Variants in BRCA2 observed in about 807,000 individuals in gnomAD.
BRCA2 encodes breast cancer type 2 susceptibility protein.
BRCA2 carries 203 observed loss-of-function variants against 276.7 expected under a neutral mutation model. The observed-to-expected ratio is 0.73, with a 90% CI of 0.65 to 0.82. BRCA2 has a LOEUF of 0.82. Ranked by LOEUF, BRCA2 falls within the 40% of genes least tolerant of loss-of-function variation. The pLI is 0.00. For missense variants in BRCA2, 3,920 were observed against 3,915.0 expected, an observed-to-expected ratio of 1.00 and a Z score of -0.03; for synonymous variants, 1,289 against 1,338.4, an observed-to-expected ratio of 0.96 and a Z score of 0.81.
At chr13:32,359,222 GA>G (rs67041705) in intron 16 of BRCA2, among the ~76,000 whole-genome samples, 40,248 of 107,444 alleles carry the variant, frequency 0.37, 5,419 homozygotes, top group Middle Eastern at 0.52. Flanking sequence ...TCCATCTCAA[GA>G]AAAAAAAAAA....
chr13:32,336,344 T>C lies in BRCA2; in HGVS notation c.1989T>C (p.Phe663=). 6.2e-7 allele frequency: 1 copy of C among 1,607,148 alleles called. No individual in the cohort carries two copies. Among genetic ancestry groups the C allele is most frequent in the Non-Finnish European group, 8.5e-7 (1 of 1,176,894 alleles). The part of the protein sequence containing the change: ...EEPTLSLTSS[F]GTILRKCSRN... Reference sequence around the variant, plus strand: ...CAACTTTGTCCTTAACTAGCTCTTTTGGGACAATTCTGAGGAAATGTTCTA... The same window carrying C: ...CAACTTTGTCCTTAACTAGCTCTTTCGGGACAATTCTGAGGAAATGTTCTA... The change falls in exon 11 of 27, where the codon TTT becomes TTC. Residue 663 remains phenylalanine, a synonymous_variant. Coordinates refer to ENST00000380152, the MANE Select transcript of BRCA2 (RefSeq NM_000059.4).
rs1336315580 is a variant in BRCA2 at position 32,399,814 on chromosome 13, T to A, written c.*1044T>A. ...TTTTTTTTTTTTTGGAGATGGAGTC[T>A]TGCTTTGTCGCCCATGCTGGAGTGC... is the stretch of plus-strand genomic sequence containing the variant. On this transcript the variant is annotated 3_prime_UTR_variant, in exon 27 of 27. Coordinates refer to ENST00000380152, the MANE Select transcript of BRCA2 (RefSeq NM_000059.4). The A allele has an allele frequency of 6.6e-6, 1 of 152,524 alleles. No homozygotes were observed. The highest frequency in any genetic ancestry group is 1.5e-5 in the Non-Finnish European group (1 of 68,700). 9.4% of individuals were successfully genotyped at this position (152,524 alleles called of 1,614,324 possible).
At chr13:32,350,652 C>G (rs1299699836) in intron 13 of BRCA2, among the ~76,000 whole-genome samples, 2 of 152,054 alleles carry the variant, frequency 1.3e-5, no homozygotes, top group East Asian at 3.9e-4. Flanking sequence ...ACTTGGGAGG[C>G]TGAGGCAGGA....
rs774027004 is a variant in BRCA2 at position 32,363,498 on chromosome 13, A to T, written c.8296A>T (p.Thr2766Ser). ...ACTGGTGGGCTCTCCTGATGCCTGT[A>T]CACCTCTTGAAGCCCCAGAATCTCT... ...AELVGSPDAC[T>S]PLEAPESLML... Residue 2766 changes from threonine to serine, a missense_variant, in exon 18 of 27, where the codon ACA (threonine) becomes TCA (serine). Around this residue, in one of 2 missense-constraint regions of BRCA2, gnomAD observed 3,263 missense variants for 3,156.9 expected, o/e 1.03. Transcript: ENST00000380152. 2 of 1,614,076 alleles carry T rather than the reference A, an allele frequency of 1.2e-6. No individual in the cohort carries two copies. Among genetic ancestry groups the T allele is most frequent in the Admixed American group, 1.7e-5 (1 of 60,016 alleles).
chr13:32,336,198 G>C (rs2137481335), intron 10 of BRCA2, 67 bp from the exon 11 acceptor site: 6 of 1,509,582 alleles, frequency 4.0e-6, no homozygotes, highest in Non-Finnish European at 5.4e-6. Context: ...TTTTAACTTA[G>C]TGAAAAATAT....
chr13:32,344,856 T>C, intron 12 of BRCA2, among the ~76,000 whole-genome samples: 1 of 152,272 alleles, frequency 6.6e-6, no homozygotes. Context: ...TCTATTGATA[T>C]TTACCATATT....
At chr13:32,395,434 G>T (rs1305021110) in intron 25 of BRCA2, among the ~76,000 whole-genome samples, 1 of 152,082 alleles carries the variant, frequency 6.6e-6, no homozygotes, top group Admixed American at 6.5e-5. Context: ...ATATTAGCTG[G>T]TGTTTATTGA....
intron 20 of BRCA2, among the ~76,000 whole-genome samples, chr13:32,373,807 G>A (rs749857139): frequency 2.6e-5 from 4 of 152,240 alleles, no homozygotes. Flanking sequence ...ACTGAGGACT[G>A]TGGGAGGTGG....
At chr13:32,316,659 GT>G in intron 2 of BRCA2, 132 bp downstream of exon 2, 1 of 784,196 alleles carries the variant, frequency 1.3e-6, no homozygotes, top group Admixed American at 2.3e-5. Flanking sequence ...TATAAATCCA[GT>G]TAACAACATA....
chr13:32,341,106 C>T lies in BRCA2; in HGVS notation c.6751C>T (p.His2251Tyr), dbSNP rs1260385979. Residue 2251 changes from histidine to tyrosine, a missense_variant, in exon 11 of 27, where the codon CAT becomes TAT. His to Tyr is a moderately conservative substitution (Grantham distance 83). This residue lies in a region of BRCA2 where 3,263 missense variants were observed against 3,156.9 expected (regional missense o/e 1.03). Coordinates refer to ENST00000380152, the MANE Select transcript of BRCA2 (RefSeq NM_000059.4). ...TTCTAAACTGCCAAGTCATGCCACA[C>T]ATTCTCTTTTTACATGTCCCGAAAA... ...TDSKLPSHAT[H>Y]SLFTCPENEE... 3.1e-6 allele frequency: 5 copies of T among 1,613,838 alleles called. No homozygotes were observed. Among genetic ancestry groups the T allele is most frequent in the Non-Finnish European group, 4.2e-6 (5 of 1,179,922 alleles).
chr13:32,341,203 G>A lies in BRCA2; in HGVS notation c.6841+7G>A, dbSNP rs2072566819. On this transcript the variant is annotated splice_region_variant and intron_variant, in intron 11 of 26. Transcript: ENST00000380152. ...GAGCCCCTTATCTTAGTGGGTAAGTGTTCATTTTTACCTTTCGTGTTGCCA... is the reference window on the plus strand; with the variant it reads ...GAGCCCCTTATCTTAGTGGGTAAGTATTCATTTTTACCTTTCGTGTTGCCA... 6.2e-7 allele frequency: 1 copy of A among 1,613,788 alleles called. No homozygotes were observed. The highest frequency in any genetic ancestry group is 8.5e-7 in the Non-Finnish European group (1 of 1,179,888).
At chr13:32,335,181 GA>G (rs942530450) in intron 10 of BRCA2, among the ~76,000 whole-genome samples, 2 of 151,162 alleles carry the variant, frequency 1.3e-5, no homozygotes, top group Non-Finnish European at 3.0e-5. Flanking sequence ...CCATCTCTAT[GA>G]AAAAAAACAA....
Position 32,397,002 on chromosome 13 carries a change from G to C in BRCA2, c.9606G>C (p.Pro3202=), listed in dbSNP as rs755890067. 1.9e-5 allele frequency: 31 copies of C among 1,613,886 alleles called. No individual in the cohort carries two copies. Among genetic ancestry groups the C allele is most frequent in the Non-Finnish European group, 2.4e-5 (28 of 1,179,938 alleles). The change falls in exon 26 of 27, where the codon CCG becomes CCC. Residue 3202 remains proline (P), a synonymous_variant. Transcript: ENST00000380152. ...CAACTAAAGACTGTACTTCAGGGCC[G>C]TACACTGCTCAAATCATTCCTGGTA... ...STPTKDCTSG[P]YTAQIIPGTG...
chr13:32,357,812 A>G lies in BRCA2; in HGVS notation c.7688A>G (p.His2563Arg). The G allele has an allele frequency of 1.2e-6, 2 of 1,613,966 alleles. No homozygotes were observed. Among genetic ancestry groups the G allele is most frequent in the Non-Finnish European group, 1.7e-6 (2 of 1,179,860 alleles). ...AAAAATGCAGAGTCTTTTCAGTTTC[A>G]CACTGAAGATTATTTTGGTAAGGAA... The part of the protein sequence containing the change: ...NSKNAESFQF[H>R]TEDYFGKESL... Residue 2563 changes from histidine (H) to arginine (R), a missense_variant, in exon 16 of 27, where the codon CAC (histidine) becomes CGC (arginine). His to Arg is a conservative substitution (Grantham distance 29). Coordinates refer to ENST00000380152, the MANE Select transcript of BRCA2 (RefSeq NM_000059.4).
At position 32,340,016 on chromosome 13, in the gene BRCA2, G is replaced by A. The variant is rs80359793; in HGVS notation, c.5661G>A (p.Thr1887=). ...NNENKSKICQ[T]KIMAGCYEAL... is the part of the protein sequence containing the mutation. Reference sequence around the variant, plus strand: ...AGAATAAATCAAAAATTTGCCAAACGAAAATTATGGCAGGTTGTTACGAGG... The same window carrying A: ...AGAATAAATCAAAAATTTGCCAAACAAAAATTATGGCAGGTTGTTACGAGG... The change falls in exon 11 of 27, where the codon ACG becomes ACA. Residue 1887 remains threonine (T), a synonymous_variant. Coordinates refer to ENST00000380152, the MANE Select transcript of BRCA2 (RefSeq NM_000059.4). 2 of 1,612,732 alleles carry A rather than the reference G, an allele frequency of 1.2e-6. No individual in the cohort carries two copies. The highest frequency in any genetic ancestry group is 1.1e-5 in the South Asian group (1 of 90,608).
At chr13:32,384,177 A>G (rs564115584) in intron 24 of BRCA2, among the ~76,000 whole-genome samples, 6 of 152,348 alleles carry the variant, frequency 3.9e-5, no homozygotes, top group Admixed American at 1.3e-4. Flanking sequence ...AGGAGCAGCA[A>G]TGAAGCATGA....
intron 25 of BRCA2, chr13:32,395,956 C>CTTTTTTTT: frequency 1.0e-5 from 1 of 96,304 alleles, no homozygotes; most frequent in South Asian, 8.0e-5. Flanking sequence ...TTTTTTCTTT[C>CTTTTTTTT]TTTCTTTTTT....
In BRCA2 at chr13:32,339,318, T is replaced by TA. The variant is rs398122789; in HGVS notation, c.4964dup (p.Tyr1655Ter). Reference sequence around the variant, plus strand: ...AACAGCAAAAAGTCCTGCAACTTGTTACACAAATCAGTCCCCTTATTCAGT... The same window carrying TA: ...AACAGCAAAAAGTCCTGCAACTTGTTAACACAAATCAGTCCCCTTATTCAGT... ...KETAKSPATC[Y>*]TNQSPYSVIE... Residue 1655 changes from tyrosine (Y) to a stop codon, truncating the protein, a stop_gained and frameshift_variant, in exon 11 of 27, where the codon TAC (tyrosine) becomes TAAC (stop). Coordinates refer to ENST00000380152, the MANE Select transcript of BRCA2 (RefSeq NM_000059.4). LOFTEE classifies it high-confidence loss of function. 1.2e-6 allele frequency: 2 copies of TA among 1,601,268 alleles called. No homozygotes were observed. The highest frequency in any genetic ancestry group is 1.7e-4 in the Middle Eastern group (1 of 5,984).
chr13:32,382,620 G>A lies in BRCA2; in HGVS notation c.9256+2475G>A, dbSNP rs206146. 0.21 allele frequency among the ~76,000 whole-genome samples: 32,278 copies of A among 152,154 alleles called. 3,488 individuals carry two copies. Among genetic ancestry groups the A allele is most frequent in the Middle Eastern group, 0.26 (76 of 294 alleles). On this transcript the variant is annotated intron_variant, in intron 24 of 26. Coordinates refer to ENST00000380152, the MANE Select transcript of BRCA2 (RefSeq NM_000059.4). ...TGAAGTGGGGCAAAGGAAATGGAGG[G>A]AAAGGAGGAATGATAGTGAATATAG...
Sources: allele counts gnomAD v4.1 joint callset (sites outside exome capture counted in the v4.1 genomes callset), GRCh38; gene constraint gnomAD v4.1.1; regional missense constraint gnomAD v4.1.1; transcripts MANE v1.5; gene names NCBI Gene and HGNC (gene_info 2026-07-23, HGNC 2026-07-21).